Variants in ELMO1 observed in about 807,000 individuals in gnomAD.
ELMO1 encodes engulfment and cell motility 1.
A neutral mutation model predicts 98.9 loss-of-function variants in ELMO1; 26 were observed. That is an observed-to-expected ratio of 0.26 (90% CI 0.19 to 0.36). ELMO1 has a LOEUF of 0.36. ELMO1 is among the 10% of genes least tolerant of loss of function. The pLI is 1.00. For missense variants in ELMO1, 627 were observed against 935.2 expected, an observed-to-expected ratio of 0.67 and a Z score of 4.30; for synonymous variants, 346 against 346.0, an observed-to-expected ratio of 1.00 and a Z score of 0.00.
At chr7:37,213,150 T>C (rs2130444460) in intron 12 of ELMO1, among the ~76,000 whole-genome samples, 185 bp downstream of exon 12, 1 of 152,240 alleles carries the variant, frequency 6.6e-6, no homozygotes, top group African/African-American at 2.4e-5. Context: ...GAAGAATGCA[T>C]TTGGTATATT....
rs553796546 is a variant in ELMO1 at position 37,367,313 on chromosome 7, G to A, written c.-73-24550C>T. Among the ~76,000 whole-genome samples the A allele has an allele frequency of 1.8e-4, 28 of 152,156 alleles. 1 individual carries two copies. In the South Asian group the frequency reaches 5.4e-3, roughly 29 times the overall value. ...TCTCCCACTCACTCCTTTACTCACC[G>A]CATCACTACCTTGCAATGTTACACA... On this transcript the variant is annotated intron_variant, in intron 1 of 21. Coordinates refer to ENST00000310758, the MANE Select transcript of ELMO1 (RefSeq NM_014800.11).
chr7:37,087,104 T>TA (rs1783829458), intron 15 of ELMO1, among the ~76,000 whole-genome samples: 2 of 152,340 alleles, frequency 1.3e-5, no homozygotes, highest in South Asian at 4.1e-4. Context: ...TTGCTACTGT[T>TA]ATAATCTTTT....
At chr7:37,058,966 C>A (rs1413776806) in intron 15 of ELMO1, among the ~76,000 whole-genome samples, 1 of 152,096 alleles carries the variant, frequency 6.6e-6, no homozygotes, top group Non-Finnish European at 1.5e-5. Context: ...AGGGTCTATA[C>A]CCATTAGGCA....
chr7:37,276,744 C>T lies in ELMO1; in HGVS notation c.193-4862G>A, dbSNP rs186887164. Among the ~76,000 whole-genome samples the T allele has an allele frequency of 3.2e-3, 492 of 152,302 alleles. 2 individuals carry two copies. The highest frequency in any genetic ancestry group is 4.8e-3 in the Non-Finnish European group (329 of 68,034). ...GTTACACCAAGGACAGAAACGTCTA[C>T]CCAGCAGGATAACAAATATTAGCAA... On this transcript the variant is annotated intron_variant, in intron 4 of 21. Coordinates refer to ENST00000310758, the MANE Select transcript of ELMO1 (RefSeq NM_014800.11).
intron 8 of ELMO1, among the ~76,000 whole-genome samples, chr7:37,227,949 G>T (rs997249945): frequency 2.0e-5 from 3 of 152,130 alleles, no homozygotes; most frequent in African/African-American, 7.2e-5. Flanking sequence ...CCTCTTCCTT[G>T]ACATAAATAA....
At chr7:37,186,272 T>C (rs1791197442) in intron 13 of ELMO1, among the ~76,000 whole-genome samples, 1 of 152,066 alleles carries the variant, frequency 6.6e-6, no homozygotes, top group Admixed American at 6.6e-5. Context: ...AAAAATGAAG[T>C]TGGACCCCTT....
Position 36,931,485 on chromosome 7 carries a change from C to T in ELMO1, c.1438-36468G>A, listed in dbSNP as rs181228954. The stretch of plus-strand genomic sequence containing the variant: ...GGGTGGTGGTGTGTGCCTGTAATCC[C>T]AGCTACTGGGGAGGTTGAGGCGTGA... On this transcript the variant is annotated intron_variant, in intron 16 of 21. Coordinates refer to ENST00000310758, the MANE Select transcript of ELMO1 (RefSeq NM_014800.11). Among the ~76,000 whole-genome samples the T allele has an allele frequency of 1.2e-3, 186 of 152,260 alleles. 1 individual carries two copies. The highest frequency in any genetic ancestry group is 0.011 in the East Asian group (59 of 5,174).
At chr7:36,877,813 A>G (rs962269040) in intron 19 of ELMO1, among the ~76,000 whole-genome samples, 197 bp downstream of exon 19, 2 of 152,170 alleles carry the variant, frequency 1.3e-5, no homozygotes, top group Admixed American at 1.3e-4. Flanking sequence ...TCCATTTTAC[A>G]TTCTCCCCTA....
At chr7:37,350,783 G>A (rs527844714) in intron 1 of ELMO1, among the ~76,000 whole-genome samples, 1 of 152,270 alleles carries the variant, frequency 6.6e-6, no homozygotes, top group African/African-American at 2.4e-5. Flanking sequence ...TTCAGGCCGG[G>A]CCCTAATACA....
chr7:36,899,855 T>C (rs754372035), intron 16 of ELMO1, among the ~76,000 whole-genome samples: 8 of 152,022 alleles, frequency 5.3e-5, no homozygotes, highest in Non-Finnish European at 1.0e-4. Flanking sequence ...CTAGTAATAA[T>C]ACGAAATTCA....
At chr7:36,906,481 C>G (rs755627530) in intron 16 of ELMO1, among the ~76,000 whole-genome samples, 3 of 152,126 alleles carry the variant, frequency 2.0e-5, no homozygotes, top group Non-Finnish European at 4.4e-5. Context: ...GTTGTTGATG[C>G]CTGGTATTAT....
chr7:37,131,841 C>T (rs987223520), intron 14 of ELMO1, among the ~76,000 whole-genome samples: 17 of 152,280 alleles, frequency 1.1e-4, no homozygotes, highest in African/African-American at 2.4e-4. Context: ...TAGGTCAAAG[C>T]TTCCCAAACT....
chr7:37,020,656 G>C (rs1209397236), intron 15 of ELMO1, among the ~76,000 whole-genome samples: 1 of 151,778 alleles, frequency 6.6e-6, no homozygotes. Context: ...CTATGACCTT[G>C]GTGATGCTAA....
At chr7:37,042,664 A>G (rs1440886191) in intron 15 of ELMO1, among the ~76,000 whole-genome samples, 1 of 152,182 alleles carries the variant, frequency 6.6e-6, no homozygotes. Flanking sequence ...GACATCCTGA[A>G]CATCCTGAGA....
chr7:37,212,577 C>G (rs938464039), intron 12 of ELMO1, among the ~76,000 whole-genome samples: 9 of 152,198 alleles, frequency 5.9e-5, no homozygotes, highest in African/African-American at 2.2e-4. Flanking sequence ...CCTCTCAAAG[C>G]CTCTCCATCA....
intron 8 of ELMO1, among the ~76,000 whole-genome samples, chr7:37,228,202 A>G (rs1793972372): frequency 6.6e-6 from 1 of 152,250 alleles, no homozygotes; most frequent in African/African-American, 2.4e-5. Flanking sequence ...AAGTGAATGT[A>G]ATAACTGTCG....
intron 15 of ELMO1, among the ~76,000 whole-genome samples, chr7:37,069,068 C>A (rs982161812): frequency 6.6e-6 from 1 of 152,082 alleles, no homozygotes; most frequent in African/African-American, 2.4e-5. Context: ...GTAGGACACT[C>A]CTTCATTCCT....
chr7:37,202,794 A>G lies in ELMO1; in HGVS notation c.1086+8592T>C, dbSNP rs181700134. ...ATGGGGCCAGGCCATAGTGCAGGAA[A>G]AAAATGAGCCACCTCTTTTTCAGGG... On this transcript the variant is annotated intron_variant, in intron 13 of 21. Coordinates refer to ENST00000310758, the MANE Select transcript of ELMO1 (RefSeq NM_014800.11). Among the ~76,000 whole-genome samples the G allele has an allele frequency of 2.0e-5, 3 of 152,336 alleles. No homozygotes were observed. The East Asian group carries it at 5.8e-4, about 29-fold the overall frequency.
At chr7:37,162,542 G>T (rs958462234) in intron 13 of ELMO1, among the ~76,000 whole-genome samples, 17 of 152,276 alleles carry the variant, frequency 1.1e-4, no homozygotes, top group Admixed American at 1.0e-3. Context: ...ACCACCAGGA[G>T]CACTTGTCAA....
Sources: allele counts gnomAD v4.1 joint callset (sites outside exome capture counted in the v4.1 genomes callset), GRCh38; gene constraint gnomAD v4.1.1; transcripts MANE v1.5; gene names NCBI Gene and HGNC (gene_info 2026-07-23, HGNC 2026-07-21).